Variants in SLC23A2 observed in about 807,000 individuals in gnomAD.
SLC23A2 encodes Na(+)/L-ascorbic acid transporter 2.
In SLC23A2, 36 loss-of-function variants were observed where a neutral mutation model predicts 73.3. The ratio of observed to expected loss-of-function variants is 0.49; its 90% CI spans 0.38 to 0.65. SLC23A2 has a LOEUF of 0.65. SLC23A2 is among the 30% of genes least tolerant of loss of function. The pLI is 0.00. For synonymous variants in SLC23A2, 343 were observed against 327.3 expected (o/e 1.05, Z -0.52); for missense variants, 507 against 841.6 (o/e 0.60, Z 4.92).
intron 5 of SLC23A2, among the ~76,000 whole-genome samples, chr20:4,900,852 C>T (rs1338753005): frequency 6.6e-6 from 1 of 152,168 alleles, no homozygotes; most frequent in Non-Finnish European, 1.5e-5. Context: ...TGCAAACTTC[C>T]TACTTTTCTT....
chr20:4,859,586 A>G lies in SLC23A2; in HGVS notation c.1625-202T>C, dbSNP rs116482230. Among the ~76,000 whole-genome samples the G allele has an allele frequency of 3.6e-3, 555 of 152,360 alleles. 1 individual carries two copies. The highest frequency in any genetic ancestry group is 0.013 in the African/African-American group (522 of 41,588). On this transcript the variant is annotated intron_variant, in intron 15 of 16. Transcript: ENST00000338244. ...GATGAATACTTTCAACAATAATCCA[A>G]AGGTATCTCCATAAGGAGAATTCCC... is the stretch of plus-strand genomic sequence containing the variant.
chr20:4,869,325 C>CAAA (rs1930334471), intron 12 of SLC23A2, among the ~76,000 whole-genome samples: 2 of 82,750 alleles, frequency 2.4e-5, no homozygotes, highest in African/African-American at 9.3e-5. Context: ...AAATTAAAAA[C>CAAA]AAACAAACAA....
chr20:4,965,570 G>A (rs1227687885), intron 2 of SLC23A2, among the ~76,000 whole-genome samples: 2 of 152,116 alleles, frequency 1.3e-5, no homozygotes, highest in African/African-American at 2.4e-5. Context: ...CCAGAAGTTC[G>A]AGACCAGCCT....
intron 2 of SLC23A2, among the ~76,000 whole-genome samples, chr20:4,950,316 A>G (rs1392880284): frequency 6.6e-6 from 1 of 152,210 alleles, no homozygotes; most frequent in East Asian, 1.9e-4. Flanking sequence ...CTACCTGGTA[A>G]GTTTCCATTT....
At chr20:4,955,252 C>T (rs973020387) in intron 2 of SLC23A2, among the ~76,000 whole-genome samples, 5 of 150,766 alleles carry the variant, frequency 3.3e-5, no homozygotes, top group African/African-American at 1.2e-4. Flanking sequence ...AAGACCCTAT[C>T]TCTAAAAAGA....
chr20:4,931,945 G>A (rs988221829), intron 3 of SLC23A2, among the ~76,000 whole-genome samples: 5 of 152,034 alleles, frequency 3.3e-5, no homozygotes, highest in African/African-American at 1.2e-4. Context: ...TCCTACATCT[G>A]GGAAAAAAAT....
At chr20:4,888,208 G>A (rs1931181699) in intron 6 of SLC23A2, among the ~76,000 whole-genome samples, 1 of 152,160 alleles carries the variant, frequency 6.6e-6, no homozygotes, top group African/African-American at 2.4e-5. Context: ...GCCAAACCTG[G>A]GGTGCTACCT....
At chr20:4,922,363 C>T (rs141333568) in intron 3 of SLC23A2, among the ~76,000 whole-genome samples, 5 of 152,166 alleles carry the variant, frequency 3.3e-5, no homozygotes, top group Admixed American at 6.6e-5. Context: ...CCACAGAAAG[C>T]GGAGACAGCA....
intron 4 of SLC23A2, among the ~76,000 whole-genome samples, chr20:4,909,812 C>G (rs1424231267): frequency 6.6e-6 from 1 of 152,186 alleles, no homozygotes. Flanking sequence ...CCACCTTGGC[C>G]TCCCAAAGTG....
At chr20:4,865,986 C>T (rs1041251949) in intron 13 of SLC23A2, among the ~76,000 whole-genome samples, 1 of 152,056 alleles carries the variant, frequency 6.6e-6, no homozygotes, top group Non-Finnish European at 1.5e-5. Context: ...GCACCAGCCA[C>T]CAAGCCTGGC....
intron 4 of SLC23A2, among the ~76,000 whole-genome samples, chr20:4,906,957 C>A (rs564780039): frequency 6.6e-6 from 1 of 152,014 alleles, no homozygotes; most frequent in Non-Finnish European, 1.5e-5. Flanking sequence ...CCAGCAGGAC[C>A]CCAGAAAGTG....
At chr20:4,993,517 A>G (rs1042906327) in intron 1 of SLC23A2, among the ~76,000 whole-genome samples, 2 of 151,992 alleles carry the variant, frequency 1.3e-5, no homozygotes, top group Admixed American at 6.6e-5. Flanking sequence ...GCAGGTCAAG[A>G]TCAAAAACAA....
chr20:4,925,514 T>C (rs1932639198), intron 3 of SLC23A2, among the ~76,000 whole-genome samples: 1 of 152,208 alleles, frequency 6.6e-6, no homozygotes, highest in Non-Finnish European at 1.5e-5. Context: ...AATAACCATC[T>C]GCTGAATGGA....
chr20:4,858,511 G>A (rs1214809517), intron 16 of SLC23A2, among the ~76,000 whole-genome samples: 1 of 151,498 alleles, frequency 6.6e-6, no homozygotes, highest in Non-Finnish European at 1.5e-5. Context: ...GGTTTCCCCA[G>A]CAATCTCTTG....
At position 4,994,617 on chromosome 20, in the gene SLC23A2, T is replaced by TAC. The variant is rs1346139215; in HGVS notation, c.-282+6787_-282+6788dup. 1.3e-3 allele frequency among the ~76,000 whole-genome samples: 192 copies of TAC among 152,178 alleles called. 2 individuals carry two copies. Among genetic ancestry groups the TAC allele is most frequent in the African/African-American group, 4.2e-3 (176 of 41,518 alleles). ...GAACAATACGGTGAAACCCCGTCTC[T>TAC]ACTAAAAATATGAAAATTAGCCAGG... On this transcript the variant is annotated intron_variant, in intron 1 of 16. Transcript: ENST00000338244.
upstream of SLC23A2, among the ~76,000 whole-genome samples, chr20:5,004,287 G>A (rs2088166095): frequency 6.6e-6 from 1 of 152,098 alleles, no homozygotes; most frequent in South Asian, 2.1e-4. Context: ...ACTTCAAACT[G>A]GTCTTTGAGT....
chr20:4,932,809 A>G lies in SLC23A2; in HGVS notation c.-154-93T>C, dbSNP rs1932804023. Reference sequence around the variant, plus strand: ...GTTTCTTGCACAGTAAAAAAGTCACACTACACATTATACCCAAGCATCCAA... The same window carrying G: ...GTTTCTTGCACAGTAAAAAAGTCACGCTACACATTATACCCAAGCATCCAA... On this transcript the variant is annotated intron_variant, in intron 2 of 16. Coordinates refer to ENST00000338244, the MANE Select transcript of SLC23A2 (RefSeq NM_005116.6). 17 of 406,450 alleles carry G rather than the reference A, an allele frequency of 4.2e-5. No individual in the cohort carries two copies. The South Asian group carries it at 6.2e-4, about 15-fold the overall frequency. 25.2% of individuals were successfully genotyped at this position (406,450 alleles called of 1,614,324 possible).
intron 1 of SLC23A2, among the ~76,000 whole-genome samples, chr20:4,986,010 C>T (rs186281112): frequency 3.9e-5 from 6 of 152,290 alleles, no homozygotes; most frequent in East Asian, 1.9e-4. Flanking sequence ...ATCCCTCTCC[C>T]GCCATGCCCA....
intron 4 of SLC23A2, among the ~76,000 whole-genome samples, chr20:4,912,667 CAA>C (rs36084071): frequency 1.9e-4 from 14 of 73,980 alleles, no homozygotes; most frequent in African/African-American, 2.8e-4. Context: ...TTAAAACAAT[CAA>C]AAAAAAAAAA....
Sources: allele counts gnomAD v4.1 joint callset (sites outside exome capture counted in the v4.1 genomes callset), GRCh38; gene constraint gnomAD v4.1.1; transcripts MANE v1.5; gene names NCBI Gene and HGNC (gene_info 2026-07-23, HGNC 2026-07-21).